Variants in BMP6 observed in about 807,000 individuals in gnomAD.
BMP6 encodes the protein VG-1-R.
A neutral mutation model predicts 54.1 loss-of-function variants in BMP6; 17 were observed. The observed-to-expected ratio is 0.31, with a 90% CI of 0.22 to 0.47. BMP6 has a LOEUF of 0.47. Among genes scored for constraint, BMP6 ranks in the 20% least tolerant of loss-of-function variants. The probability of loss-of-function intolerance (pLI) is 1.00; values close to 1 mark genes in which losing one functional copy is unlikely to be tolerated. For missense variants in BMP6, 720 were observed against 690.4 expected, an observed-to-expected ratio of 1.04 and a Z score of -0.48; for synonymous variants, 328 against 291.2, an observed-to-expected ratio of 1.13 and a Z score of -1.28.
At chr6:7,742,743 C>A (rs909897693) in intron 1 of BMP6, among the ~76,000 whole-genome samples, 1 of 152,082 alleles carries the variant, frequency 6.6e-6, no homozygotes, top group East Asian at 1.9e-4. Context: ...TAAGTGGGCA[C>A]AAGTGTGTCC....
Position 7,880,476 on chromosome 6 carries a change from C to T in BMP6, c.*133C>T. ...ACTATCTCATGCCAGTGCCTTATTA[C>T]CCAGGAAGATTTTAAAGGACCTCAT... On this transcript the variant is annotated 3_prime_UTR_variant, in exon 7 of 7. Transcript: ENST00000283147. The T allele has an allele frequency of 1.6e-6, 2 of 1,243,220 alleles. No individual in the cohort carries two copies. Among genetic ancestry groups the T allele is most frequent in the South Asian group, 1.4e-5 (1 of 69,764 alleles). The allele number at this position is 1,243,220 out of a possible 1,614,324, so 77.0% of individuals were successfully genotyped here. A position where few individuals can be genotyped will look rare whatever the true frequency, so the allele number is the denominator to read the frequency against.
At chr6:7,817,092 C>T (rs754987936) in intron 1 of BMP6, among the ~76,000 whole-genome samples, 2 of 152,144 alleles carry the variant, frequency 1.3e-5, no homozygotes, top group Non-Finnish European at 2.9e-5. Flanking sequence ...TCAAAACATT[C>T]AGTCTATTTT....
At chr6:7,738,807 T>C (rs1458256067) in intron 1 of BMP6, among the ~76,000 whole-genome samples, 2 of 152,238 alleles carry the variant, frequency 1.3e-5, no homozygotes, top group African/African-American at 2.4e-5. Context: ...GCAGGGAAGA[T>C]GGTGAACACA....
At chr6:7,749,963 T>A (rs1201015977) in intron 1 of BMP6, among the ~76,000 whole-genome samples, 1 of 152,142 alleles carries the variant, frequency 6.6e-6, no homozygotes, top group Non-Finnish European at 1.5e-5. Flanking sequence ...CTTAAAGGGT[T>A]GGTAGGATTT....
At chr6:7,749,082 C>A (rs1757386375) in intron 1 of BMP6, among the ~76,000 whole-genome samples, 1 of 152,228 alleles carries the variant, frequency 6.6e-6, no homozygotes. Flanking sequence ...CTGCAGATTT[C>A]CATTGTCCAC....
chr6:7,823,525 C>A (rs1391886445), intron 1 of BMP6, among the ~76,000 whole-genome samples: 1 of 152,152 alleles, frequency 6.6e-6, no homozygotes, highest in Non-Finnish European at 1.5e-5. Flanking sequence ...AATGTAATGC[C>A]AGATAGTGAC....
chr6:7,780,858 C>CTGTAGT (rs1289293489), intron 1 of BMP6, among the ~76,000 whole-genome samples: 1 of 151,746 alleles, frequency 6.6e-6, no homozygotes, highest in Non-Finnish European at 1.5e-5. Flanking sequence ...CTACAGGCAC[C>CTGTAGT]CCCTACCACA....
intron 1 of BMP6, among the ~76,000 whole-genome samples, chr6:7,759,483 C>T (rs1428048107): frequency 1.3e-5 from 2 of 152,108 alleles, no homozygotes; most frequent in East Asian, 1.9e-4. Flanking sequence ...TGGTGACCTT[C>T]GATTCACTTA....
At chr6:7,828,246 A>T (rs545182842) in intron 1 of BMP6, among the ~76,000 whole-genome samples, 1 of 152,320 alleles carries the variant, frequency 6.6e-6, no homozygotes, top group South Asian at 2.1e-4. Flanking sequence ...GTTGCCCCAG[A>T]AAAGGAAAGA....
chr6:7,854,869 A>C (rs764353601), intron 2 of BMP6, among the ~76,000 whole-genome samples: 1 of 152,240 alleles, frequency 6.6e-6, no homozygotes, highest in Non-Finnish European at 1.5e-5. Flanking sequence ...TGAAGATTAG[A>C]GTATACCCCA....
chr6:7,782,893 C>T (rs904928559), intron 1 of BMP6, among the ~76,000 whole-genome samples: 2 of 152,028 alleles, frequency 1.3e-5, no homozygotes, highest in African/African-American at 4.8e-5. Context: ...GTTTAAAATA[C>T]TGCTGCTGAG....
intron 2 of BMP6, among the ~76,000 whole-genome samples, 166 bp downstream of exon 2, chr6:7,845,498 T>A (rs1759048133): frequency 6.6e-6 from 1 of 152,170 alleles, no homozygotes; most frequent in African/African-American, 2.4e-5. Context: ...GCTGGTGAGA[T>A]CTTTTGCTAT....
intron 1 of BMP6, among the ~76,000 whole-genome samples, chr6:7,807,178 ACCT>A (rs1031525826): frequency 7.9e-5 from 12 of 152,220 alleles, no homozygotes; most frequent in African/African-American, 2.4e-4. Flanking sequence ...GGAATCTTAG[ACCT>A]CCTGTTCTAT....
intron 4 of BMP6, among the ~76,000 whole-genome samples, chr6:7,869,391 G>T (rs949777635): frequency 3.3e-5 from 5 of 152,256 alleles, no homozygotes; most frequent in African/African-American, 1.2e-4. Context: ...TAAAAAGGAT[G>T]CTGGATGGAA....
At chr6:7,785,260 A>G (rs1758004620) in intron 1 of BMP6, among the ~76,000 whole-genome samples, 1 of 152,206 alleles carries the variant, frequency 6.6e-6, no homozygotes, top group Admixed American at 6.5e-5. Context: ...CAAATAGATG[A>G]TATTTTAAAG....
chr6:7,865,257 G>C (rs1759400718), intron 4 of BMP6, among the ~76,000 whole-genome samples: 1 of 152,064 alleles, frequency 6.6e-6, no homozygotes, highest in Non-Finnish European at 1.5e-5. Context: ...AAATATCTCT[G>C]TTTTTCAGTG....
At chr6:7,877,287 A>G (rs1759636095) in intron 4 of BMP6, among the ~76,000 whole-genome samples, 1 of 152,202 alleles carries the variant, frequency 6.6e-6, no homozygotes, top group African/African-American at 2.4e-5. Context: ...TTCTCCCAGT[A>G]TAGGCCACTG....
At chr6:7,818,195 G>A (rs1758558501) in intron 1 of BMP6, among the ~76,000 whole-genome samples, 1 of 152,106 alleles carries the variant, frequency 6.6e-6, no homozygotes, top group South Asian at 2.1e-4. Flanking sequence ...CAGATTTCCT[G>A]ATCTTACTGC....
rs1056597888 is a variant in BMP6 at position 7,743,489 on chromosome 6, A to G, written c.664+15870A>G. Among the ~76,000 whole-genome samples, 11 of 150,626 alleles carry G rather than the reference A, an allele frequency of 7.3e-5. No individual in the cohort carries two copies. The East Asian group carries it at 7.7e-4, about 11-fold the overall frequency. On this transcript the variant is annotated intron_variant, in intron 1 of 6. Transcript: ENST00000283147. ...CATGAGATGCTCTTTTCTGAAGCCA[A>G]TGGATTGGGCATCTCTGATTTCTTG...
Sources: allele counts gnomAD v4.1 joint callset (sites outside exome capture counted in the v4.1 genomes callset), GRCh38; gene constraint gnomAD v4.1.1; transcripts MANE v1.5; gene names NCBI Gene and HGNC (gene_info 2026-07-23, HGNC 2026-07-21).